The following TMEM266 variants were observed in gnomAD, a reference collection of about 807,000 sequenced individuals.
The protein encoded by TMEM266 is Hv1 related protein 1.
In TMEM266, 33 loss-of-function variants were observed where a neutral mutation model predicts 50.5. The observed-to-expected ratio is 0.65, with a 90% CI of 0.50 to 0.87. The LOEUF (loss-of-function observed/expected upper bound fraction) is 0.87, where lower values mean the gene tolerates loss of function less well. TMEM266 is among the 40% of genes least tolerant of loss of function. TMEM266 has a pLI of 0.00. For missense variants in TMEM266, 655 were observed against 695.1 expected (o/e 0.94, Z 0.65); for synonymous variants, 310 against 292.3 (o/e 1.06, Z -0.62).
intron 1 of TMEM266, among the ~76,000 whole-genome samples, chr15:76,079,802 A>G (rs1596089308): frequency 4.8e-5 from 6 of 125,616 alleles, no homozygotes; most frequent in African/African-American, 1.2e-4. Flanking sequence ...CCACATTCTG[A>G]GGTTTTAGGT....
chr15:76,134,247 A>G lies in TMEM266; in HGVS notation c.-17A>G. 6.2e-7 allele frequency: 1 copy of G among 1,613,824 alleles called. No individual in the cohort carries two copies. The highest frequency in any genetic ancestry group is 8.5e-7 in the Non-Finnish European group (1 of 1,179,730). On this transcript the variant is annotated 5_prime_UTR_variant, in exon 2 of 11. An upstream open reading frame in the 5' UTR loses its in-frame stop. Transcript: ENST00000388942. ...GGCTTCAGGACAGCTGAGCCCCACT[A>G]AACACCAAGAAAACCCATGGCTGTG... is the stretch of plus-strand genomic sequence containing the variant.
Position 76,192,162 on chromosome 15 carries a change from GC to G in TMEM266, c.958+8del. On this transcript the variant is annotated splice_donor_region_variant and intron_variant, in intron 9 of 10. Transcript: ENST00000388942. ...AGGAGCTGCAGCCCTCGCAAGGTAA[GC>G]CCGGGTCTCCACCCGGCCCCAGAGT... The G allele has an allele frequency of 7.2e-7, 1 of 1,395,544 alleles. No homozygotes were observed. Among genetic ancestry groups the G allele is most frequent in the Non-Finnish European group, 9.3e-7 (1 of 1,078,686 alleles). 86.4% of individuals were successfully genotyped at this position (1,395,544 alleles called of 1,614,324 possible). A position where few individuals can be genotyped will look rare whatever the true frequency, so the allele number is the denominator to read the frequency against.
At chr15:76,119,556 C>T (rs1367633686) in intron 1 of TMEM266, among the ~76,000 whole-genome samples, 2 of 152,060 alleles carry the variant, frequency 1.3e-5, no homozygotes, top group Non-Finnish European at 2.9e-5. Context: ...CACTTGAGAT[C>T]AGGAATTGGA....
At chr15:76,065,780 A>G (rs1287749332) in intron 1 of TMEM266, among the ~76,000 whole-genome samples, 1 of 152,104 alleles carries the variant, frequency 6.6e-6, no homozygotes. Flanking sequence ...AATAAAACCC[A>G]AATGCCTCCC....
In TMEM266 at chr15:76,171,076, C is replaced by T. The variant is rs372297539; in HGVS notation, c.597C>T (p.Asp199=). 81 of 1,613,324 alleles carry T rather than the reference C, an allele frequency of 5.0e-5. 1 individual carries two copies. Among genetic ancestry groups the T allele is most frequent in the East Asian group, 4.2e-4 (19 of 44,850 alleles). The change falls in exon 7 of 11, where the codon GAC becomes GAT. Residue 199 remains aspartate, a synonymous_variant. Coordinates refer to ENST00000388942, the MANE Select transcript of TMEM266 (RefSeq NM_152335.3). ...CCAATGGACCCAGGAGCCCCTGGGA[C>T]GCCATCAGCCTCATCATCATGCTCC...
chr15:76,083,860 A>G (rs999998836), intron 1 of TMEM266, among the ~76,000 whole-genome samples: 10 of 152,184 alleles, frequency 6.6e-5, no homozygotes, highest in African/African-American at 2.4e-4. Context: ...GAGGGAAAAG[A>G]GTATTCCAAA....
chr15:76,174,783 T>G (rs1158973447), intron 7 of TMEM266: 2 of 152,280 alleles, frequency 1.3e-5, no homozygotes, highest in Non-Finnish European at 2.9e-5. Flanking sequence ...ACGTGGTTTT[T>G]CTCTGCTGGC....
intron 1 of TMEM266, among the ~76,000 whole-genome samples, chr15:76,120,269 G>A (rs990640601): frequency 6.6e-6 from 1 of 151,458 alleles, no homozygotes; most frequent in African/African-American, 2.4e-5. Context: ...CTAAATTATG[G>A]ATCATTCGCA....
chr15:76,157,994 A>G (rs1176885986), intron 4 of TMEM266, among the ~76,000 whole-genome samples: 2 of 143,660 alleles, frequency 1.4e-5, no homozygotes, highest in African/African-American at 2.5e-5. Flanking sequence ...TCTCAAATAA[A>G]TAAGTAAATA....
Position 76,076,626 on chromosome 15 carries a change from C to G in TMEM266, c.-97+16610C>G, listed in dbSNP as rs560967425. On this transcript the variant is annotated intron_variant, in intron 1 of 10. Transcript: ENST00000388942. The stretch of plus-strand genomic sequence containing the variant: ...TACCAATTCCTAGGCAGAAATGATA[C>G]TCACAGGCAGAGCAAGAAGACCTCA... Among the ~76,000 whole-genome samples the G allele has an allele frequency of 2.1e-3, 323 of 152,130 alleles. 1 individual carries two copies. Among genetic ancestry groups the G allele is most frequent in the Non-Finnish European group, 4.0e-3 (271 of 68,024 alleles).
chr15:76,184,951 C>T (rs566048202), intron 8 of TMEM266, among the ~76,000 whole-genome samples: 17 of 152,270 alleles, frequency 1.1e-4, no homozygotes, highest in African/African-American at 3.9e-4. Context: ...TCCCACCGGG[C>T]CCATTTGCCA....
At position 76,198,382 on chromosome 15, in the gene TMEM266, G is replaced by A. The variant is rs547959942; in HGVS notation, c.959-3820G>A. On this transcript the variant is annotated intron_variant, in intron 9 of 10. Transcript: ENST00000388942. ...CAGGGCTGAATCAAAGCAAACTCCC[G>A]GGGGCAGGGGCTTATTCTTAGATGG... 2.2e-3 allele frequency among the ~76,000 whole-genome samples: 201 copies of A among 92,894 alleles called. 2 individuals are homozygous for A. Among genetic ancestry groups the A allele is most frequent in the African/African-American group, 8.1e-3 (177 of 21,730 alleles). The allele number at this position is 92,894 out of a possible 152,430, so 60.9% of individuals were successfully genotyped here.
At chr15:76,126,794 G>T (rs1269528382) in intron 1 of TMEM266, among the ~76,000 whole-genome samples, 1 of 152,126 alleles carries the variant, frequency 6.6e-6, no homozygotes, top group African/African-American at 2.4e-5. Context: ...CTCCCAAAGT[G>T]CTGGGATTAC....
At chr15:76,144,788 AACAG>A (rs1034285454) in intron 3 of TMEM266, among the ~76,000 whole-genome samples, 1 of 152,182 alleles carries the variant, frequency 6.6e-6, no homozygotes, top group African/African-American at 2.4e-5. Context: ...CACAGACGTG[AACAG>A]ACACTCAGGA....
Position 76,204,706 on chromosome 15 carries a change from C to T in TMEM266, c.*391C>T, listed in dbSNP as rs1482736041. On this transcript the variant is annotated 3_prime_UTR_variant, in exon 11 of 11. Coordinates refer to ENST00000388942, the MANE Select transcript of TMEM266 (RefSeq NM_152335.3). The stretch of plus-strand genomic sequence containing the variant: ...CACTGTGAGCAGGGGCTGTCCAGCC[C>T]CACCCCTAAGCCGTCTTTCCCAGGA... 1 of 163,756 alleles carries T rather than the reference C, an allele frequency of 6.1e-6. No individual in the cohort carries two copies. The highest frequency in any genetic ancestry group is 6.0e-5 in the Admixed American group (1 of 16,654). The allele number at this position is 163,756 out of a possible 1,614,324, so 10.1% of individuals were successfully genotyped here. A position where few individuals can be genotyped will look rare whatever the true frequency, so the allele number is the denominator to read the frequency against.
intron 1 of TMEM266, among the ~76,000 whole-genome samples, chr15:76,099,391 TTCTGTGGGTTGCACCC>T (rs2036966270): frequency 6.6e-6 from 1 of 152,198 alleles, no homozygotes; most frequent in South Asian, 2.1e-4. Flanking sequence ...TCAGCTCACT[TTCTGTGGGTTGCACCC>T]ACTGTCCAAC....
chr15:76,150,294 G>A (rs1391411061), intron 3 of TMEM266, among the ~76,000 whole-genome samples: 1 of 152,166 alleles, frequency 6.6e-6, no homozygotes, highest in Admixed American at 6.5e-5. Flanking sequence ...ACAGCAGCTG[G>A]GGAAGCCCAG....
chr15:76,202,219 G>C lies in TMEM266; in HGVS notation c.976G>C (p.Asp326His). The change falls in exon 10 of 11, where the codon GAC becomes CAC. Residue 326 changes from aspartate (D) to histidine (H), a missense_variant. This residue lies in a region of TMEM266 where 455 missense variants were observed against 401.8 expected (regional missense o/e 1.13). Coordinates refer to ENST00000388942, the MANE Select transcript of TMEM266 (RefSeq NM_152335.3). ...CTCTGTAGAAGCCACGATGAAGGAC[G>C]ACATGAACAGCTACATCAGTCAGTA... 6.2e-7 allele frequency: 1 copy of C among 1,613,874 alleles called. No individual in the cohort carries two copies. The highest frequency in any genetic ancestry group is 1.1e-5 in the South Asian group (1 of 91,058).
intron 9 of TMEM266, among the ~76,000 whole-genome samples, chr15:76,199,880 C>T (rs1458719648): frequency 6.6e-6 from 1 of 151,546 alleles, no homozygotes; most frequent in Non-Finnish European, 1.5e-5. Context: ...AAGGAGACTT[C>T]CCAGGAGGGA....
Sources: allele counts gnomAD v4.1 joint callset (sites outside exome capture counted in the v4.1 genomes callset), GRCh38; gene constraint gnomAD v4.1.1; regional missense constraint gnomAD v4.1.1; transcripts MANE v1.5; gene names NCBI Gene and HGNC (gene_info 2026-07-23, HGNC 2026-07-21).